DCC: variants seen among roughly 807,000 people sequenced by gnomAD.
The protein encoded by DCC is netrin receptor DCC.
In DCC, 58 loss-of-function variants were observed where a neutral mutation model predicts 172.5. The ratio of observed to expected loss-of-function variants is 0.34; its 90% CI spans 0.27 to 0.42. The LOEUF (loss-of-function observed/expected upper bound fraction) is 0.42. Among genes scored for constraint, DCC ranks in the 10% least tolerant of loss-of-function variants. DCC has a pLI of 1.00. For synonymous variants in DCC, 709 were observed against 644.5 expected (o/e 1.10, Z -1.52); for missense variants, 1,740 against 1,791.0 (o/e 0.97, Z 0.51).
chr18:52,702,986 G>C (rs1216821423), intron 1 of DCC, among the ~76,000 whole-genome samples: 3 of 152,112 alleles, frequency 2.0e-5, no homozygotes, highest in Non-Finnish European at 4.4e-5. Context: ...TCAAGGTTCT[G>C]AGTGTAAATA....
At chr18:53,307,466 A>G (rs912720253) in intron 13 of DCC, among the ~76,000 whole-genome samples, 1 of 152,142 alleles carries the variant, frequency 6.6e-6, no homozygotes, top group Non-Finnish European at 1.5e-5. Context: ...AAGATTTAAT[A>G]TTAGAGTAGA....
intron 2 of DCC, among the ~76,000 whole-genome samples, chr18:52,887,183 C>A (rs900075252): frequency 1.3e-5 from 2 of 152,134 alleles, no homozygotes; most frequent in Non-Finnish European, 2.9e-5. Context: ...CTAATTAAGA[C>A]CTTGTAGATT....
At chr18:53,199,124 G>A (rs1021035314) in intron 9 of DCC, among the ~76,000 whole-genome samples, 1 of 148,900 alleles carries the variant, frequency 6.7e-6, no homozygotes, top group African/African-American at 2.5e-5. Flanking sequence ...CACCCAGGCT[G>A]GAGTGCAGCG....
chr18:52,633,821 A>T (rs2034721722), intron 1 of DCC, among the ~76,000 whole-genome samples: 1 of 152,200 alleles, frequency 6.6e-6, no homozygotes, highest in African/African-American at 2.4e-5. Context: ...ACAATAAGTC[A>T]ATGACACTGA....
chr18:52,983,785 C>A (rs1439438996), intron 5 of DCC, among the ~76,000 whole-genome samples: 4 of 152,132 alleles, frequency 2.6e-5, no homozygotes, highest in Non-Finnish European at 5.9e-5. Context: ...CAGAAATTTA[C>A]ATTTTAATTG....
At chr18:53,012,173 A>G (rs2041739701) in intron 5 of DCC, among the ~76,000 whole-genome samples, 1 of 151,952 alleles carries the variant, frequency 6.6e-6, no homozygotes, top group Non-Finnish European at 1.5e-5. Flanking sequence ...TAAACCAGCA[A>G]TTCTACTTCT....
intron 1 of DCC, among the ~76,000 whole-genome samples, chr18:52,567,202 G>T (rs1247856519): frequency 6.6e-6 from 1 of 151,812 alleles, no homozygotes; most frequent in African/African-American, 2.4e-5. Flanking sequence ...AACTTTATAG[G>T]TATATACCTA....
intron 1 of DCC, among the ~76,000 whole-genome samples, chr18:52,603,108 T>C (rs2034051992): frequency 1.3e-5 from 2 of 152,028 alleles, no homozygotes; most frequent in Non-Finnish European, 2.9e-5. Context: ...AGCACCTTTA[T>C]AGTGTAATTT....
At position 52,592,019 on chromosome 18, in the gene DCC, T is replaced by A. The variant is rs185274840; in HGVS notation, c.92-160035T>A. The stretch of plus-strand genomic sequence containing the variant: ...TGGATGAATTGGTAATAGTCTTATA[T>A]TACTTGGAGAAAAAGAAATGGAAGT... On this transcript the variant is annotated intron_variant, in intron 1 of 28. Transcript: ENST00000442544. 3.8e-3 allele frequency among the ~76,000 whole-genome samples: 583 copies of A among 152,290 alleles called. 8 individuals carry two copies. Among genetic ancestry groups the A allele is most frequent in the Middle Eastern group, 0.034 (10 of 294 alleles).
At position 52,658,559 on chromosome 18, in the gene DCC, T is replaced by A. The variant is rs560154157; in HGVS notation, c.92-93495T>A. 1.3e-4 allele frequency among the ~76,000 whole-genome samples: 20 copies of A among 151,930 alleles called. 1 individual carries two copies. The South Asian group carries it at 4.2e-3, about 32-fold the overall frequency. Reference sequence around the variant, plus strand: ...CTTGGCAATAATCTTTTACTATTCTTCTAGTTCTACACTATTCCAATATGT... The same window carrying A: ...CTTGGCAATAATCTTTTACTATTCTACTAGTTCTACACTATTCCAATATGT... On this transcript the variant is annotated intron_variant, in intron 1 of 28. Transcript: ENST00000442544.
intron 5 of DCC, among the ~76,000 whole-genome samples, chr18:53,048,450 A>G (rs1315091513): frequency 6.7e-6 from 1 of 150,266 alleles, no homozygotes; most frequent in Non-Finnish European, 1.5e-5. Context: ...TTTAGAGGAC[A>G]TGATCTCATT....
rs759020268 is a variant in DCC at position 52,863,191 on chromosome 18, C to G, written c.413-42853C>G. Among the ~76,000 whole-genome samples, 15 of 152,076 alleles carry G rather than the reference C, an allele frequency of 9.9e-5. 1 individual carries two copies. Among genetic ancestry groups the G allele is most frequent in the Non-Finnish European group, 2.2e-4 (15 of 67,916 alleles). On this transcript the variant is annotated intron_variant, in intron 2 of 28. Transcript: ENST00000442544. ...CTATTCCCTTAATGAAAACCACATT[C>G]TCATGCTTTCTTATAACATTTCTTA...
intron 1 of DCC, among the ~76,000 whole-genome samples, chr18:52,424,247 C>A (rs759772047): frequency 3.4e-4 from 52 of 152,288 alleles, no homozygotes; most frequent in Non-Finnish European, 6.6e-4. Context: ...TATTGTACTG[C>A]TTAATTTCCA....
In DCC at chr18:52,462,898, C is replaced by G. The variant is rs551167435; in HGVS notation, c.91+122020C>G. ...ACGGAAATGTCCTCTCCAATCTCTC[C>G]TGGCCATTTCTGACAGTTCCTAACT... On this transcript the variant is annotated intron_variant, in intron 1 of 28. Transcript: ENST00000442544. 3.3e-5 allele frequency among the ~76,000 whole-genome samples: 5 copies of G among 152,300 alleles called. No homozygotes were observed. In the South Asian group the frequency reaches 1.0e-3, roughly 32 times the overall value.
At chr18:52,889,719 A>G (rs2039621289) in intron 2 of DCC, among the ~76,000 whole-genome samples, 1 of 152,188 alleles carries the variant, frequency 6.6e-6, no homozygotes. Flanking sequence ...TGAAATTATT[A>G]TAAGTTTTAA....
chr18:52,968,619 C>A (rs1489783920), intron 5 of DCC, among the ~76,000 whole-genome samples: 1 of 152,094 alleles, frequency 6.6e-6, no homozygotes, highest in Non-Finnish European at 1.5e-5. Context: ...ATCCACTCAT[C>A]AGCAATGGAA....
At chr18:52,677,440 A>T (rs4939698) in intron 1 of DCC, among the ~76,000 whole-genome samples, 64,059 of 151,786 alleles carry the variant, frequency 0.42, 13,857 homozygotes, top group Non-Finnish European at 0.49. Flanking sequence ...AGCAGATTCT[A>T]TGTTTCATTG....
chr18:53,515,293 G>A (rs993332623), intron 27 of DCC, among the ~76,000 whole-genome samples: 104 of 151,520 alleles, frequency 6.9e-4, no homozygotes, highest in Middle Eastern at 6.8e-3. Context: ...TTGATGGGAC[G>A]TATTTCCAAA....
intron 1 of DCC, among the ~76,000 whole-genome samples, chr18:52,632,991 A>G (rs2034705543): frequency 6.6e-6 from 1 of 152,216 alleles, no homozygotes; most frequent in Admixed American, 6.5e-5. Context: ...TAATTTTTCA[A>G]ATAATTAGAA....
Sources: gnomAD v4.1 joint callset for allele counts (sites outside exome capture counted in the v4.1 genomes callset) on GRCh38, gnomAD v4.1.1 for gene constraint, MANE v1.5 for transcripts, NCBI Gene and HGNC (gene_info 2026-07-23, HGNC 2026-07-21) for gene names.